JAKMIP2: variants seen among roughly 807,000 people sequenced by gnomAD.
JAKMIP2 encodes the protein janus kinase and microtubule interacting protein 2.
In JAKMIP2, 25 loss-of-function variants were observed where a neutral mutation model predicts 115.0. That is an observed-to-expected ratio of 0.22 (90% CI 0.16 to 0.30). The LOEUF (loss-of-function observed/expected upper bound fraction) is 0.30, where lower values mean the gene tolerates loss of function less well. Ranked by LOEUF, JAKMIP2 falls within the 10% of genes least tolerant of loss-of-function variation. JAKMIP2 has a pLI of 1.00. For synonymous variants in JAKMIP2, 334 were observed against 343.6 expected, an observed-to-expected ratio of 0.97 and a Z score of 0.31; for missense variants, 642 against 957.6, an observed-to-expected ratio of 0.67 and a Z score of 4.35.
chr5:147,765,534 C>G (rs1755124049), intron 1 of JAKMIP2, among the ~76,000 whole-genome samples: 1 of 151,988 alleles, frequency 6.6e-6, no homozygotes, highest in South Asian at 2.1e-4. Flanking sequence ...TAAAAAAGAC[C>G]AAGAGAACAA....
rs775725045 is a variant in JAKMIP2, at chr5:147,780,231, G to GTAT, written c.-149+2222_-149+2224dup. ...AATAGTGGGGTCAAAAGCTAGACCT[G>GTAT]TATTTCTATCAGGGTAATAGCTGAC... On this transcript the variant is annotated intron_variant, in intron 1 of 21. Coordinates refer to ENST00000616793, the MANE Select transcript of JAKMIP2 (RefSeq NM_001270941.2). Among the ~76,000 whole-genome samples, 257 of 152,228 alleles carry GTAT rather than the reference G, an allele frequency of 1.7e-3. 5 individuals are homozygous for GTAT. Among genetic ancestry groups the GTAT allele is most frequent in the Non-Finnish European group, 2.5e-3 (171 of 67,994 alleles).
At chr5:147,741,150 G>A (rs1754129062) in intron 1 of JAKMIP2, among the ~76,000 whole-genome samples, 1 of 152,096 alleles carries the variant, frequency 6.6e-6, no homozygotes. Context: ...TAAATTAGGT[G>A]TTAGGATACC....
At chr5:147,731,606 A>G (rs1753736229) in intron 1 of JAKMIP2, among the ~76,000 whole-genome samples, 1 of 152,236 alleles carries the variant, frequency 6.6e-6, no homozygotes, top group Non-Finnish European at 1.5e-5. Flanking sequence ...CAGCAAGCAC[A>G]GCAATGCCTT....
intron 21 of JAKMIP2, among the ~76,000 whole-genome samples, chr5:147,598,689 C>T (rs961050805): frequency 1.3e-5 from 2 of 152,010 alleles, no homozygotes; most frequent in African/African-American, 2.4e-5. Context: ...TTCTAGGGAG[C>T]GTTCGATGGC....
At chr5:147,723,503 G>A (rs544626383) in intron 1 of JAKMIP2, among the ~76,000 whole-genome samples, 10 of 152,114 alleles carry the variant, frequency 6.6e-5, no homozygotes, top group Admixed American at 3.3e-4. Context: ...GGGGAAGATT[G>A]GTTACTTTTC....
intron 19 of JAKMIP2, among the ~76,000 whole-genome samples, chr5:147,616,400 G>C (rs1325954977): frequency 2.6e-5 from 4 of 152,164 alleles, no homozygotes; most frequent in Non-Finnish European, 5.9e-5. Flanking sequence ...AGCACTACTG[G>C]ATAACTTAAA....
intron 3 of JAKMIP2, among the ~76,000 whole-genome samples, chr5:147,653,280 AC>A (rs1342760114): frequency 1.3e-5 from 2 of 152,156 alleles, no homozygotes; most frequent in Admixed American, 1.3e-4. Context: ...CTGAGGAATA[AC>A]CACCCTGTCC....
At chr5:147,748,130 T>C (rs1171964307) in intron 1 of JAKMIP2, among the ~76,000 whole-genome samples, 2 of 152,238 alleles carry the variant, frequency 1.3e-5, no homozygotes, top group Non-Finnish European at 2.9e-5. Flanking sequence ...GAGTACAGAA[T>C]GCCAGGGTTC....
intron 1 of JAKMIP2, among the ~76,000 whole-genome samples, chr5:147,674,752 T>C (rs1201601581): frequency 1.3e-5 from 2 of 152,254 alleles, no homozygotes; most frequent in East Asian, 3.8e-4. Flanking sequence ...ATAACTTAAC[T>C]AAATTGACCA....
chr5:147,607,739 A>T (rs1053420898), intron 20 of JAKMIP2, among the ~76,000 whole-genome samples: 2 of 152,220 alleles, frequency 1.3e-5, no homozygotes, highest in East Asian at 3.9e-4. Flanking sequence ...GAATAGTTTC[A>T]GAATGAATGG....
intron 1 of JAKMIP2, among the ~76,000 whole-genome samples, chr5:147,778,520 T>A (rs1755647313): frequency 6.6e-6 from 1 of 152,120 alleles, no homozygotes; most frequent in Admixed American, 6.5e-5. Context: ...TTTGTGCTCA[T>A]GAGACTAGGG....
rs148798650 is a variant in JAKMIP2 at position 147,661,823 on chromosome 5, A to G, written c.130-378T>C. 336 of 198,960 alleles carry G rather than the reference A, an allele frequency of 1.7e-3. 2 individuals carry two copies. The highest frequency in any genetic ancestry group is 7.4e-3 in the African/African-American group (313 of 42,530). 12.3% of individuals were successfully genotyped at this position (198,960 alleles called of 1,614,324 possible). On this transcript the variant is annotated intron_variant, in intron 2 of 21. Coordinates refer to ENST00000616793, the MANE Select transcript of JAKMIP2 (RefSeq NM_001270941.2). ...CTTAACAAATCCCCATGTGATTGGT[A>G]TACGCCTTAAAATTAGAAAGTATCG...
chr5:147,744,504 T>C (rs1754278009), intron 1 of JAKMIP2, among the ~76,000 whole-genome samples: 3 of 152,246 alleles, frequency 2.0e-5, no homozygotes. Flanking sequence ...AAGAATTCTC[T>C]GAAAGTTGTT....
rs1270242081 is a variant in JAKMIP2, at chr5:147,595,581, C to T, written c.*21-3895G>A. 2.4e-5 allele frequency: 11 copies of T among 453,960 alleles called. No individual in the cohort carries two copies. The Admixed American group carries it at 2.6e-4, about 11-fold the overall frequency. 28.1% of individuals were successfully genotyped at this position (453,960 alleles called of 1,614,324 possible). A position where few individuals can be genotyped will look rare whatever the true frequency, so the allele number is the denominator to read the frequency against. On this transcript the variant is annotated intron_variant, in intron 21 of 21. Transcript: ENST00000616793. ...CTATTACTCATAAATTACCTAGTCT[C>T]AGGTATTTTGTTATAATAGCACAAA...
chr5:147,782,584 C>T lies in JAKMIP2; in HGVS notation c.-277G>A. The T allele has an allele frequency of 1.0e-6, 1 of 970,856 alleles. No homozygotes were observed. Among genetic ancestry groups the T allele is most frequent in the Non-Finnish European group, 1.6e-6 (1 of 633,196 alleles). The allele number at this position is 970,856 out of a possible 1,614,324, so 60.1% of individuals were successfully genotyped here. Reference sequence around the variant, plus strand: ...GTGGCTGCCGGTTTTTTTTTTCCCTCTGTCTCTGGTTGGCGATGGTGCGAA... The same window carrying T: ...GTGGCTGCCGGTTTTTTTTTTCCCTTTGTCTCTGGTTGGCGATGGTGCGAA... On this transcript the variant is annotated 5_prime_UTR_variant, in exon 1 of 22. Transcript: ENST00000616793.
intron 21 of JAKMIP2, among the ~76,000 whole-genome samples, chr5:147,597,339 T>G (rs1336360495): frequency 6.6e-6 from 1 of 152,190 alleles, no homozygotes; most frequent in Non-Finnish European, 1.5e-5. Flanking sequence ...TAACATAGTA[T>G]TATGTGCCTT....
intron 1 of JAKMIP2, among the ~76,000 whole-genome samples, chr5:147,779,623 A>G (rs1449621890): frequency 1.3e-5 from 2 of 152,152 alleles, no homozygotes; most frequent in African/African-American, 4.8e-5. Flanking sequence ...GCAGGATTAC[A>G]TGTAAATTTC....
At chr5:147,599,406 G>A (rs6867185) in intron 21 of JAKMIP2, among the ~76,000 whole-genome samples, 140,871 of 152,258 alleles carry the variant, frequency 0.93, 65,954 homozygotes, top group Non-Finnish European at 1. Context: ...CTTGTAAGCT[G>A]TGCACTCTAA....
chr5:147,691,916 G>T (rs1751877292), intron 1 of JAKMIP2, among the ~76,000 whole-genome samples: 2 of 152,130 alleles, frequency 1.3e-5, no homozygotes, highest in Non-Finnish European at 2.9e-5. Flanking sequence ...TCTTTAAACA[G>T]GATGGTCCTT....
Sources: allele counts gnomAD v4.1 joint callset (sites outside exome capture counted in the v4.1 genomes callset), GRCh38; gene constraint gnomAD v4.1.1; transcripts MANE v1.5; gene names NCBI Gene and HGNC (gene_info 2026-07-23, HGNC 2026-07-21).